CRY2: variants seen among roughly 807,000 people sequenced by gnomAD.
The protein encoded by CRY2 is cryptochrome-2.
Under a neutral mutation model 69.5 loss-of-function variants are expected in CRY2, and 31 were observed. The observed-to-expected ratio is 0.45, with a 90% confidence interval of 0.34 to 0.60. The LOEUF is 0.60. Among genes scored for constraint, CRY2 ranks in the 20% least tolerant of loss-of-function variants. The pLI is 0.02. For synonymous variants in CRY2, 303 were observed against 312.2 expected (o/e 0.97, Z 0.31); for missense variants, 606 against 797.8 (o/e 0.76, Z 2.90).
chr11:45,862,580 CACCTTATA>C (rs1370863026), intron 5 of CRY2, among the ~76,000 whole-genome samples: 1 of 152,178 alleles, frequency 6.6e-6, no homozygotes, highest in Non-Finnish European at 1.5e-5. Context: ...TAGGAATGCT[CACCTTATA>C]ACACAGTAAG....
In CRY2 at chr11:45,870,065, C is replaced by G; in HGVS notation, c.1207C>G (p.Leu403Val). 6.2e-7 allele frequency: 1 copy of G among 1,603,346 alleles called. No individual in the cohort carries two copies. Among genetic ancestry groups the G allele is most frequent in the Non-Finnish European group, 8.5e-7 (1 of 1,174,168 alleles). ...CTCCCCTATCTAGGTATTTGATGAG[C>G]TGCTCCTGGATGCAGATTTCAGCGT... Reference protein sequence around the residue: ...WESGVRVFDELLLDADFSVNA... With the variant: ...WESGVRVFDEVLLDADFSVNA... Residue 403 changes from leucine (L) to valine (V), a missense_variant, in exon 8 of 12, where the codon CTG (leucine) becomes GTG (valine). Leu to Val is a conservative substitution (Grantham distance 32). Around this residue, in one of 5 missense-constraint regions of CRY2, gnomAD observed 382 missense variants for 508.9 expected, o/e 0.75. Coordinates refer to ENST00000616080, the MANE Select transcript of CRY2 (RefSeq NM_021117.5).
intron 1 of CRY2, among the ~76,000 whole-genome samples, chr11:45,855,470 C>T (rs967454522): frequency 3.3e-5 from 5 of 152,212 alleles, no homozygotes; most frequent in African/African-American, 1.2e-4. Context: ...CAGTATTGCA[C>T]TGGCTTTTCA....
intron 11 of CRY2, among the ~76,000 whole-genome samples, chr11:45,872,707 G>T (rs1377907613): frequency 6.6e-6 from 1 of 151,842 alleles, no homozygotes; most frequent in Admixed American, 6.6e-5. Context: ...GTATTTTTTT[G>T]CCAGCTAAGG....
intron 4 of CRY2, 157 bp from the exon 5 acceptor site, chr11:45,861,903 G>A (rs2134637284): frequency 7.8e-6 from 5 of 642,386 alleles, no homozygotes; most frequent in South Asian, 7.4e-5. Context: ...GAACCAAGTT[G>A]ACCTAGAAAA....
In CRY2 at chr11:45,858,749, T is replaced by C. The variant is rs758062800; in HGVS notation, c.343T>C (p.Leu115=). 4.3e-6 allele frequency: 7 copies of C among 1,613,924 alleles called. No homozygotes were observed. The highest frequency in any genetic ancestry group is 1.6e-4 in the Middle Eastern group (1 of 6,082). Residue 115 remains leucine (L), a synonymous_variant, in exon 3 of 12, where the codon TTG becomes CTG. Transcript: ENST00000616080. ...RLFKEWGVTR[L]TFEYDSEPFG... The stretch of plus-strand genomic sequence containing the variant: ...CCCACAGGAATGGGGAGTGACCCGC[T>C]TGACCTTTGAATATGACTCTGAACC...
At chr11:45,859,436 C>T (rs2086269427) in intron 3 of CRY2, among the ~76,000 whole-genome samples, 1 of 152,032 alleles carries the variant, frequency 6.6e-6, no homozygotes, top group South Asian at 2.1e-4. Context: ...GTGGGACATG[C>T]CTGTAGTCCC....
Position 45,872,238 on chromosome 11 carries a change from G to A in CRY2, c.*2+5G>A, listed in dbSNP as rs774843710. 2 of 1,613,666 alleles carry A rather than the reference G, an allele frequency of 1.2e-6. No homozygotes were observed. Among genetic ancestry groups the A allele is most frequent in the South Asian group, 1.1e-5 (1 of 91,042 alleles). Reference sequence around the variant, plus strand: ...GCCGAGCAAGGATGCCTGAGAGTGAGTGACAGCAGCCTAGATTCAACCTCA... The same window carrying A: ...GCCGAGCAAGGATGCCTGAGAGTGAATGACAGCAGCCTAGATTCAACCTCA... On this transcript the variant is annotated splice_donor_5th_base_variant and intron_variant, in intron 11 of 11. Transcript: ENST00000616080.
At chr11:45,853,370 C>G (rs2086212811) in intron 1 of CRY2, among the ~76,000 whole-genome samples, 1 of 152,136 alleles carries the variant, frequency 6.6e-6, no homozygotes, top group African/African-American at 2.4e-5. Flanking sequence ...ATCTCTGCTT[C>G]CTGCTATAAA....
At position 45,847,475 on chromosome 11, in the gene CRY2, A is replaced by T. The variant is rs1438113616; in HGVS notation, c.-16A>T. On this transcript the variant is annotated 5_prime_UTR_variant, in exon 1 of 12. Coordinates refer to ENST00000616080, the MANE Select transcript of CRY2 (RefSeq NM_021117.5). ...ACCGGGGCGGAGCGGGGGTGGCTGG[A>T]GCAGTCTGGACAGTCATGGCGGCGA... 1 of 1,599,778 alleles carries T rather than the reference A, an allele frequency of 6.3e-7. No homozygotes were observed. The highest frequency in any genetic ancestry group is 1.7e-5 in the Admixed American group (1 of 59,222).
intron 11 of CRY2, among the ~76,000 whole-genome samples, chr11:45,875,035 G>A (rs1042252573): frequency 6.6e-6 from 1 of 152,246 alleles, no homozygotes; most frequent in African/African-American, 2.4e-5. Context: ...AGAGGCTGCA[G>A]TTCTGTATTA....
intron 11 of CRY2, among the ~76,000 whole-genome samples, chr11:45,877,506 G>T (rs893989398): frequency 6.6e-5 from 10 of 152,250 alleles, no homozygotes; most frequent in African/African-American, 2.4e-4. Context: ...GAAGGGATGT[G>T]AGGGCAAAGG....
intron 2 of CRY2, among the ~76,000 whole-genome samples, chr11:45,857,934 C>T (rs1358831931): frequency 3.9e-5 from 6 of 152,234 alleles, no homozygotes; most frequent in South Asian, 2.1e-4. Flanking sequence ...ATGGCTAGGA[C>T]ATTTGCCCCT....
At chr11:45,863,687 G>T (rs771171967) in intron 5 of CRY2, among the ~76,000 whole-genome samples, 16 of 151,480 alleles carry the variant, frequency 1.1e-4, no homozygotes, top group Non-Finnish European at 2.1e-4. Flanking sequence ...TGTTTTCATT[G>T]TCCTGGTTTG....
intron 1 of CRY2, among the ~76,000 whole-genome samples, 187 bp downstream of exon 1, chr11:45,847,892 G>A (rs1465122977): frequency 6.6e-6 from 1 of 152,204 alleles, no homozygotes; most frequent in Non-Finnish European, 1.5e-5. Flanking sequence ...CTGACAAAGC[G>A]CGTTCGCACT....
intron 5 of CRY2, chr11:45,867,287 G>T (rs1222250128): frequency 1.0e-5 from 3 of 296,720 alleles, no homozygotes; most frequent in South Asian, 6.4e-5. Flanking sequence ...AGTTCATTCA[G>T]TGCTTTCAGA....
chr11:45,868,714 GCCACAAC>G lies in CRY2; in HGVS notation c.883-790_883-784del, dbSNP rs2086351139. On this transcript the variant is annotated intron_variant, in intron 6 of 11. Transcript: ENST00000616080. ...AGTGGTATGATCACAGCTCACTGCA[GCCACAAC>G]CTTTCAGGCTCAGGTGATCCTCCTA... Among the ~76,000 whole-genome samples, 3 of 152,268 alleles carry G rather than the reference GCCACAAC, an allele frequency of 2.0e-5. No individual in the cohort carries two copies. The South Asian group carries it at 6.2e-4, about 32-fold the overall frequency.
intron 5 of CRY2, among the ~76,000 whole-genome samples, chr11:45,867,176 G>C (rs2086337969): frequency 6.6e-6 from 1 of 152,150 alleles, no homozygotes; most frequent in African/African-American, 2.4e-5. Flanking sequence ...CGAAGTCCCT[G>C]GTGTCTGTGA....
chr11:45,878,498 CTCAGAA>C (rs1565065306), intron 11 of CRY2, among the ~76,000 whole-genome samples: 1 of 152,136 alleles, frequency 6.6e-6, no homozygotes, highest in Non-Finnish European at 1.5e-5. Flanking sequence ...GGAGTATATA[CTCAGAA>C]TCAGCACATT....
rs768984531 is a variant in CRY2 at position 45,847,630 on chromosome 11, C to G, written c.140C>G (p.Ala47Gly). 2 of 1,602,118 alleles carry G rather than the reference C, an allele frequency of 1.2e-6. No homozygotes were observed. Among genetic ancestry groups the G allele is most frequent in the South Asian group, 2.2e-5 (2 of 89,498 alleles). ...NPALLAAVRG[A>G]RCVRCVYILD... The stretch of plus-strand genomic sequence containing the variant: ...GCGTTGCTGGCGGCCGTGCGCGGGG[C>G]GCGCTGCGTGCGCTGCGTTTACATT... The change falls in exon 1 of 12, where the codon GCG becomes GGG. Residue 47 changes from alanine to glycine, a missense_variant. By Grantham distance (60) the Ala-to-Gly change is moderately conservative. Coordinates refer to ENST00000616080, the MANE Select transcript of CRY2 (RefSeq NM_021117.5).
Sources: allele counts gnomAD v4.1 joint callset (sites outside exome capture counted in the v4.1 genomes callset), GRCh38; gene constraint gnomAD v4.1.1; regional missense constraint gnomAD v4.1.1; transcripts MANE v1.5; gene names NCBI Gene and HGNC (gene_info 2026-07-23, HGNC 2026-07-21).